Variants in SMG7 observed in about 807,000 individuals in gnomAD.
The protein encoded by SMG7 is nonsense-mediated mRNA decay factor SMG7.
In SMG7, 34 loss-of-function variants were observed where a neutral mutation model predicts 148.2. The observed-to-expected ratio is 0.23, with a 90% CI of 0.17 to 0.31. The LOEUF (loss-of-function observed/expected upper bound fraction) is 0.31. SMG7 is among the 10% of genes least tolerant of loss of function. The pLI is 1.00. For synonymous variants in SMG7, 492 were observed against 515.1 expected, an observed-to-expected ratio of 0.96 and a Z score of 0.61; for missense variants, 1,114 against 1,408.4, an observed-to-expected ratio of 0.79 and a Z score of 3.35.
At chr1:183,472,767 G>GACCT in intron 1 of SMG7, 118 bp downstream of exon 1, 1 of 965,802 alleles carries the variant, frequency 1.0e-6, no homozygotes, top group Non-Finnish European at 1.4e-6. Flanking sequence ...TCTCCTCGCC[G>GACCT]GGCAGGTCGG....
intron 3 of SMG7, among the ~76,000 whole-genome samples, chr1:183,516,882 A>T (rs1291898616): frequency 6.6e-6 from 1 of 152,178 alleles, no homozygotes. Context: ...TCAGAAGCTG[A>T]TGTTGATATA....
chr1:183,540,719 A>G (rs789173), intron 12 of SMG7, among the ~76,000 whole-genome samples: 2,176 of 152,328 alleles, frequency 0.014, 54 homozygotes, highest in African/African-American at 0.049. Flanking sequence ...GTTGTGGTTT[A>G]TTTGAGCTCC....
In SMG7 at chr1:183,527,194, T is replaced by A. The variant is rs1370876765; in HGVS notation, c.484+427T>A. On this transcript the variant is annotated intron_variant, in intron 5 of 22. Transcript: ENST00000688051. This position sits in a 1 kb window ranked among gnomAD's most constrained non-coding sequence, Gnocchi z 4.0. ...TTGATTTTTAATTTTGCTTCCTTTT[T>A]AAAGTTTAATTTGTATTTCTATTAT... Among the ~76,000 whole-genome samples, 1 of 152,228 alleles carries A rather than the reference T, an allele frequency of 6.6e-6. No homozygotes were observed. Among genetic ancestry groups the A allele is most frequent in the African/African-American group, 2.4e-5 (1 of 41,456 alleles).
chr1:183,525,827 A>G (rs1665724239), intron 4 of SMG7, among the ~76,000 whole-genome samples: 1 of 152,198 alleles, frequency 6.6e-6, no homozygotes, highest in African/African-American at 2.4e-5. Context: ...TTGTATATGC[A>G]AAGACATGTG....
In SMG7 at chr1:183,550,930, T is replaced by A; in HGVS notation, c.3304+9T>A. ...GAAAACTGATAAGCCAGGTGAGATC[T>A]ACATTTCATTGCCAGGCAAAATTGA... is the stretch of plus-strand genomic sequence containing the variant. On this transcript the variant is annotated intron_variant, in intron 21 of 22. Transcript: ENST00000688051. 1 of 1,614,054 alleles carries A rather than the reference T, an allele frequency of 6.2e-7. No homozygotes were observed. The highest frequency in any genetic ancestry group is 8.5e-7 in the Non-Finnish European group (1 of 1,179,926).
At position 183,552,739 on chromosome 1, in the gene SMG7, C is replaced by A. The variant is rs978184280; in HGVS notation, c.*808C>A. On this transcript the variant is annotated 3_prime_UTR_variant, in exon 23 of 23. Transcript: ENST00000688051. ...AGGATTTCAAATTACGTTTTTGATT[C>A]CTGTACATTTTACAGTCGCACAGCA... 1 of 1,354,544 alleles carries A rather than the reference C, an allele frequency of 7.4e-7. No homozygotes were observed. The highest frequency in any genetic ancestry group is 1.5e-5 in the African/African-American group (1 of 68,144). 83.9% of individuals were successfully genotyped at this position (1,354,544 alleles called of 1,614,324 possible).
At chr1:183,481,423 T>A (rs1416880793) in intron 1 of SMG7, among the ~76,000 whole-genome samples, 1 of 152,208 alleles carries the variant, frequency 6.6e-6, no homozygotes, top group African/African-American at 2.4e-5. Context: ...GTACTTGTAA[T>A]TTCTTAATTT....
chr1:183,531,699 G>T (rs181098712), intron 8 of SMG7, among the ~76,000 whole-genome samples: 2 of 152,066 alleles, frequency 1.3e-5, no homozygotes, highest in Non-Finnish European at 2.9e-5. Context: ...TCTTTAATGG[G>T]CTGTGACCCT....
intron 20 of SMG7, among the ~76,000 whole-genome samples, chr1:183,550,466 A>G (rs1288072355): frequency 1.3e-5 from 2 of 152,250 alleles, no homozygotes; most frequent in African/African-American, 2.4e-5. Flanking sequence ...ACCAATAAAC[A>G]TGTATCTGAA....
At chr1:183,499,830 A>G (rs1659355488) in intron 1 of SMG7, among the ~76,000 whole-genome samples, 1 of 151,852 alleles carries the variant, frequency 6.6e-6, no homozygotes, top group Non-Finnish European at 1.5e-5. Flanking sequence ...ATCTACTCAT[A>G]TTTTTGCTTT....
chr1:183,473,667 G>A, intron 1 of SMG7: 2 of 817,582 alleles, frequency 2.4e-6, no homozygotes, highest in Non-Finnish European at 3.0e-6. Context: ...ACTGGGGAGT[G>A]ACTACTGCTT....
intron 1 of SMG7, among the ~76,000 whole-genome samples, chr1:183,477,485 C>CATATGTGTATATATGCATATGTACAT (rs1557935151): frequency 1.6e-5 from 2 of 125,150 alleles, no homozygotes; most frequent in Admixed American, 8.4e-5. Flanking sequence ...CATATATACA[C>CATATGTGTATATATGCATATGTACAT]GTGTGTGCAT....
At chr1:183,481,624 T>C (rs1654135984) in intron 1 of SMG7, among the ~76,000 whole-genome samples, 1 of 152,156 alleles carries the variant, frequency 6.6e-6, no homozygotes, top group African/African-American at 2.4e-5. Context: ...TCTGAGAATA[T>C]AAAAATGAAC....
At chr1:183,496,901 G>T (rs747403607) in intron 1 of SMG7, among the ~76,000 whole-genome samples, 1 of 152,196 alleles carries the variant, frequency 6.6e-6, no homozygotes, top group African/African-American at 2.4e-5. Flanking sequence ...AGTTAAAGCC[G>T]TCCTGGGCTG....
rs1670660052 is a variant in SMG7, at chr1:183,549,857, C to G, written c.3067C>G (p.Gln1023Glu). ...KAELSPSMAP[Q>E]ETSLYSLFEG... is the part of the protein sequence containing the mutation. ...AGAACTCAGTCCCTCAATGGCCCCC[C>G]AGGAAACATCTCTGTATTCCCTTTT... The change falls in exon 20 of 23, where the codon CAG becomes GAG. Residue 1023 changes from glutamine (Q) to glutamate (E), a missense_variant. Physicochemically the swap from Gln to Glu is conservative, Grantham distance 29. Around this residue, in one of 4 missense-constraint regions of SMG7, gnomAD observed 788 missense variants for 894.5 expected, o/e 0.88. Transcript: ENST00000688051. The G allele has an allele frequency of 6.2e-7, 1 of 1,613,762 alleles. No individual in the cohort carries two copies. Among genetic ancestry groups the G allele is most frequent in the African/African-American group, 1.3e-5 (1 of 74,916 alleles).
At chr1:183,549,335 G>A (rs1444355180) in intron 19 of SMG7, 47 bp downstream of exon 19, 1 of 1,290,938 alleles carries the variant, frequency 7.7e-7, no homozygotes. Context: ...AGTGTAGACT[G>A]ATCATTGTCT....
intron 1 of SMG7, chr1:183,473,994 T>A: frequency 1.9e-5 from 8 of 414,216 alleles, no homozygotes; most frequent in Non-Finnish European, 2.6e-5. Flanking sequence ...TGATGAGATA[T>A]TTGAACAATG....
intron 4 of SMG7, among the ~76,000 whole-genome samples, chr1:183,525,581 T>C (rs762684747): frequency 6.6e-6 from 1 of 152,174 alleles, no homozygotes; most frequent in Non-Finnish European, 1.5e-5. Context: ...TTCTTGTTTT[T>C]TTCTGTGGGA....
Position 183,512,888 on chromosome 1 carries a change from T to C in SMG7, c.61+20T>C, listed in dbSNP as rs1662492516. 1 of 1,583,338 alleles carries C rather than the reference T, an allele frequency of 6.3e-7. No homozygotes were observed. Among genetic ancestry groups the C allele is most frequent in the African/African-American group, 1.4e-5 (1 of 73,402 alleles). ...TGACAGGTATTGGCTGGCTTATTTC[T>C]TTTTCACAACATATTTTATATATTA... On this transcript the variant is annotated intron_variant, in intron 2 of 22. Transcript: ENST00000688051.
Sources: allele counts gnomAD v4.1 joint callset (sites outside exome capture counted in the v4.1 genomes callset), GRCh38; gene constraint gnomAD v4.1.1; regional missense constraint gnomAD v4.1.1; non-coding constraint Gnocchi (gnomAD v3.1); transcripts MANE v1.5; gene names NCBI Gene and HGNC (gene_info 2026-07-23, HGNC 2026-07-21).